The following BARX2 variants were observed in gnomAD, a reference collection of about 807,000 sequenced individuals.
BARX2 encodes the protein BARX homeobox 2, also known as homeobox protein BarH-like 2.
Under a neutral mutation model 25.5 loss-of-function variants are expected in BARX2, and 11 were observed. That is an observed-to-expected ratio of 0.43 (90% confidence interval 0.27 to 0.71). The LOEUF (loss-of-function observed/expected upper bound fraction) is 0.71. Among genes scored for constraint, BARX2 ranks in the 30% least tolerant of loss-of-function variants. BARX2 has a pLI of 0.19. For synonymous variants in BARX2, 137 were observed against 149.5 expected, an observed-to-expected ratio of 0.92 and a Z score of 0.61; for missense variants, 360 against 359.9, an observed-to-expected ratio of 1.00 and a Z score of 0.00.
chr11:129,435,079 T>G (rs911949594), intron 1 of BARX2, among the ~76,000 whole-genome samples: 23 of 152,210 alleles, frequency 1.5e-4, no homozygotes, highest in African/African-American at 5.5e-4. Flanking sequence ...ATGAGAAACA[T>G]CTTATGCCTT....
intron 2 of BARX2, among the ~76,000 whole-genome samples, chr11:129,439,204 T>A (rs1862227688): frequency 6.6e-6 from 1 of 151,672 alleles, no homozygotes; most frequent in South Asian, 2.1e-4. Flanking sequence ...TAGGAGAGAA[T>A]CCAGTGATCA....
At chr11:129,443,973 C>G (rs1291741613) in intron 3 of BARX2, among the ~76,000 whole-genome samples, 1 of 152,128 alleles carries the variant, frequency 6.6e-6, no homozygotes, top group Non-Finnish European at 1.5e-5. Context: ...CTCGTCCATG[C>G]CATGCCTTCA....
intron 1 of BARX2, among the ~76,000 whole-genome samples, chr11:129,419,790 C>A (rs1246545866): frequency 1.3e-5 from 2 of 151,830 alleles, no homozygotes; most frequent in Non-Finnish European, 2.9e-5. Flanking sequence ...TATTATTATT[C>A]TTGTTTTTGA....
At chr11:129,432,442 C>T (rs1862140160) in intron 1 of BARX2, among the ~76,000 whole-genome samples, 1 of 152,216 alleles carries the variant, frequency 6.6e-6, no homozygotes, top group Non-Finnish European at 1.5e-5. Context: ...AGAACCCAAA[C>T]ATCTTTTGAC....
At chr11:129,444,610 G>A (rs1862302167) in intron 3 of BARX2, among the ~76,000 whole-genome samples, 1 of 152,212 alleles carries the variant, frequency 6.6e-6, no homozygotes, top group Admixed American at 6.5e-5. Context: ...GGAGGTAGCT[G>A]CCGAGCATGT....
At chr11:129,392,001 A>G (rs960430104) in intron 1 of BARX2, among the ~76,000 whole-genome samples, 3 of 152,190 alleles carry the variant, frequency 2.0e-5, no homozygotes, top group East Asian at 1.9e-4. Context: ...ACACAATCAC[A>G]TCGCCACAGC....
chr11:129,376,216 T>A lies in BARX2; in HGVS notation c.181T>A (p.Cys61Ser). The A allele has an allele frequency of 6.2e-7, 1 of 1,603,366 alleles. No individual in the cohort carries two copies. The highest frequency in any genetic ancestry group is 8.5e-7 in the Non-Finnish European group (1 of 1,174,904). ...CGTGCGACCCAAGCCCCTGCATTCC[T>A]GTACGGGTAAGACGCTCCGCTAGGG... ...LVVRPKPLHS[C>S]TGSPSLRAYP... is the part of the protein sequence containing the mutation. Residue 61 changes from cysteine (C) to serine (S), a missense_variant, in exon 1 of 4, where the codon TGT (cysteine) becomes AGT (serine). Coordinates refer to ENST00000281437, the MANE Select transcript of BARX2 (RefSeq NM_003658.5). This position sits in a 1 kb window ranked among gnomAD's most constrained non-coding sequence, Gnocchi z 4.2.
intron 1 of BARX2, among the ~76,000 whole-genome samples, chr11:129,381,938 C>T (rs1861569176): frequency 6.6e-6 from 1 of 152,284 alleles, no homozygotes; most frequent in Non-Finnish European, 1.5e-5. Flanking sequence ...TCTGTCGCTC[C>T]ATGGGTACTA....
Position 129,390,138 on chromosome 11 carries a change from G to A in BARX2, c.187+13916G>A, listed in dbSNP as rs577315566. On this transcript the variant is annotated intron_variant, in intron 1 of 3. Transcript: ENST00000281437. This position sits in a 1 kb window ranked among gnomAD's most constrained non-coding sequence, Gnocchi z 4.3. ...GTGAGAAGAATTCTCTTGATGAGGAGTTCTCACCTTCTATGGTGCAAAGGC... is the reference window on the plus strand; with the variant it reads ...GTGAGAAGAATTCTCTTGATGAGGAATTCTCACCTTCTATGGTGCAAAGGC... Among the ~76,000 whole-genome samples, 1 of 152,210 alleles carries A rather than the reference G, an allele frequency of 6.6e-6. No individual in the cohort carries two copies. The highest frequency in any genetic ancestry group is 2.4e-5 in the African/African-American group (1 of 41,454).
chr11:129,386,067 A>C (rs1861614389), intron 1 of BARX2, among the ~76,000 whole-genome samples: 1 of 152,184 alleles, frequency 6.6e-6, no homozygotes, highest in Non-Finnish European at 1.5e-5. Context: ...TGGCTGATTG[A>C]GGGTATTATT....
In BARX2 at chr11:129,436,539, C is replaced by T; in HGVS notation, c.188-212C>T. 2.2e-6 allele frequency: 1 copy of T among 463,046 alleles called. No individual in the cohort carries two copies. The highest frequency in any genetic ancestry group is 3.5e-5 in the Admixed American group (1 of 28,312). The allele number at this position is 463,046 out of a possible 1,614,324, so 28.7% of individuals were successfully genotyped here. A position where few individuals can be genotyped will look rare whatever the true frequency, so the allele number is the denominator to read the frequency against. On this transcript the variant is annotated intron_variant, in intron 1 of 3. Coordinates refer to ENST00000281437, the MANE Select transcript of BARX2 (RefSeq NM_003658.5). This position sits in a 1 kb window ranked among gnomAD's most constrained non-coding sequence, Gnocchi z 4.5. ...GCAGGAACCTCTTCTGGGCCGTGGG[C>T]TTCATCTTCCCACACAGAGCAGAGC...
intron 1 of BARX2, among the ~76,000 whole-genome samples, chr11:129,425,819 C>T (rs2135405999): frequency 6.6e-6 from 1 of 152,266 alleles, no homozygotes; most frequent in African/African-American, 2.4e-5. Flanking sequence ...CTAAATCTCC[C>T]CAATCTTTTC....
intron 1 of BARX2, among the ~76,000 whole-genome samples, chr11:129,416,739 A>G (rs1591438413): frequency 6.6e-6 from 1 of 152,098 alleles, no homozygotes; most frequent in African/African-American, 2.4e-5. Flanking sequence ...TCATAGCTTC[A>G]TTATGGACCC....
At chr11:129,415,084 G>A (rs944240678) in intron 1 of BARX2, among the ~76,000 whole-genome samples, 2 of 149,074 alleles carry the variant, frequency 1.3e-5, no homozygotes, top group African/African-American at 2.5e-5. Context: ...TATAAAAATT[G>A]GAATGATCCT....
At chr11:129,442,099 T>C (rs949789375) in intron 2 of BARX2, among the ~76,000 whole-genome samples, 5 of 152,226 alleles carry the variant, frequency 3.3e-5, no homozygotes, top group African/African-American at 1.2e-4. Flanking sequence ...GGAATCTTTA[T>C]AATATTTATT....
chr11:129,408,127 G>A (rs1038113826), intron 1 of BARX2, among the ~76,000 whole-genome samples: 2 of 151,700 alleles, frequency 1.3e-5, no homozygotes, highest in Non-Finnish European at 2.9e-5. Context: ...GTATGGCATG[G>A]AAAGGCCTGG....
intron 1 of BARX2, among the ~76,000 whole-genome samples, chr11:129,404,851 A>T (rs1861813834): frequency 6.6e-6 from 1 of 152,192 alleles, no homozygotes; most frequent in African/African-American, 2.4e-5. Flanking sequence ...GCACTCTCTC[A>T]GCCTGTTTAG....
Position 129,436,819 on chromosome 11 carries a change from C to A in BARX2, c.256C>A (p.Leu86Met). Residue 86 changes from leucine (L) to methionine (M), a missense_variant, in exon 2 of 4, where the codon CTG (leucine) becomes ATG (methionine). Around this residue, in one of 3 missense-constraint regions of BARX2, gnomAD observed 240 missense variants for 228.7 expected, o/e 1.05. Coordinates refer to ENST00000281437, the MANE Select transcript of BARX2 (RefSeq NM_003658.5). The surrounding 1 kb of genome is among the most constrained non-coding windows in gnomAD (Gnocchi z 4.5). ...CCGCCAGCCCACTGTCATCTCCCACCTGGTCCCTGCCACCCCGGGAATCGC... is the reference window on the plus strand; with the variant it reads ...CCGCCAGCCCACTGTCATCTCCCACATGGTCCCTGCCACCCCGGGAATCGC... ...ITRQPTVISH[L>M]VPATPGIAQA... 5 of 1,613,802 alleles carry A rather than the reference C, an allele frequency of 3.1e-6. No homozygotes were observed. The highest frequency in any genetic ancestry group is 4.2e-6 in the Non-Finnish European group (5 of 1,179,882).
intron 1 of BARX2, among the ~76,000 whole-genome samples, chr11:129,379,412 A>G (rs1861538082): frequency 6.6e-6 from 1 of 152,236 alleles, no homozygotes; most frequent in African/African-American, 2.4e-5. Context: ...TTTAGAAATC[A>G]GCGATGAGCT....
Sources: gnomAD v4.1 joint callset for allele counts (sites outside exome capture counted in the v4.1 genomes callset) on GRCh38, gnomAD v4.1.1 for gene constraint, gnomAD v4.1.1 regional missense constraint, Gnocchi (gnomAD v3.1) non-coding constraint, MANE v1.5 for transcripts, NCBI Gene and HGNC (gene_info 2026-07-23, HGNC 2026-07-21) for gene names.